EDNRB: variants seen among roughly 807,000 people sequenced by gnomAD.
EDNRB encodes endothelin receptor type B.
EDNRB carries 18 observed loss-of-function variants against 46.4 expected under a neutral mutation model. The ratio of observed to expected loss-of-function variants is 0.39; its 90% confidence interval spans 0.27 to 0.57. EDNRB has a LOEUF of 0.57. EDNRB is among the 20% of genes least tolerant of loss of function. The pLI, the probability that EDNRB is intolerant of heterozygous loss-of-function variation, is 0.61. For synonymous variants in EDNRB, 213 were observed against 204.9 expected, an observed-to-expected ratio of 1.04 and a Z score of -0.34; for missense variants, 434 against 537.5, an observed-to-expected ratio of 0.81 and a Z score of 1.90.
intron 6 of EDNRB, 54 bp from the exon 7 acceptor site, chr13:77,898,388 T>A (rs1490210417): frequency 6.2e-7 from 1 of 1,606,512 alleles, no homozygotes; most frequent in African/African-American, 1.3e-5. Flanking sequence ...CTTTCCCAAC[T>A]CTTCCTCCTC....
intron 1 of EDNRB, among the ~76,000 whole-genome samples, chr13:77,937,896 G>A (rs1305167775): frequency 6.6e-6 from 1 of 152,150 alleles, no homozygotes; most frequent in Non-Finnish European, 1.5e-5. Context: ...AGAGACTAGG[G>A]AGGGACTGTT....
chr13:77,899,942 C>T lies in EDNRB; in HGVS notation c.1111G>A (p.Gly371Ser), dbSNP rs202153354. The change falls in exon 6 of 7, where the codon GGT becomes AGT. Residue 371 changes from glycine to serine, a missense_variant. Physicochemically the swap from Gly to Ser is moderately conservative, Grantham distance 56 (BLOSUM62 0). Coordinates refer to ENST00000646607, the MANE Select transcript of EDNRB (RefSeq NM_001122659.3). ...GAATTCAGTGAAGCCATGTTGATACCAATATAGTCCAATACCAACAGAAAG... is the reference window on the plus strand; with the variant it reads ...GAATTCAGTGAAGCCATGTTGATACTAATATAGTCCAATACCAACAGAAAG... ...LSFLLVLDYI[G>S]INMASLNSCI... 6.2e-6 allele frequency: 10 copies of T among 1,611,516 alleles called. No homozygotes were observed. The highest frequency in any genetic ancestry group is 4.5e-5 in the East Asian group (2 of 44,776).
At chr13:77,950,713 A>G (rs1404941358) in intron 1 of EDNRB, among the ~76,000 whole-genome samples, 1 of 152,252 alleles carries the variant, frequency 6.6e-6, no homozygotes, top group Non-Finnish European at 1.5e-5. Context: ...GTTGAAGTGC[A>G]GTATTAAAGA....
chr13:77,903,784 A>T (rs530748556), intron 1 of EDNRB, among the ~76,000 whole-genome samples, 177 bp from the exon 2 acceptor site: 1 of 152,076 alleles, frequency 6.6e-6, no homozygotes, highest in Admixed American at 6.6e-5. Flanking sequence ...GGGACAGGAA[A>T]GTGTGTTGGG....
chr13:77,909,306 A>G (rs1471220531), intron 1 of EDNRB, among the ~76,000 whole-genome samples: 1 of 152,056 alleles, frequency 6.6e-6, no homozygotes, highest in East Asian at 1.9e-4. Context: ...CTAAAAGGAT[A>G]AATAGCATGA....
intron 1 of EDNRB, among the ~76,000 whole-genome samples, chr13:77,971,225 T>C (rs1045042345): frequency 6.6e-6 from 1 of 152,214 alleles, no homozygotes; most frequent in Non-Finnish European, 1.5e-5. Flanking sequence ...AATGGTGATG[T>C]TGGGATTTTC....
At chr13:77,954,538 G>A (rs1594394826) in intron 1 of EDNRB, among the ~76,000 whole-genome samples, 1 of 151,006 alleles carries the variant, frequency 6.6e-6, no homozygotes, top group South Asian at 2.1e-4. Context: ...TTGAGACAGA[G>A]TCTCACTCTG....
At chr13:77,964,604 A>G (rs1881525626) in intron 1 of EDNRB, among the ~76,000 whole-genome samples, 1 of 152,162 alleles carries the variant, frequency 6.6e-6, no homozygotes, top group Non-Finnish European at 1.5e-5. Context: ...CAGGAAGGGG[A>G]ACATCACACA....
intron 1 of EDNRB, among the ~76,000 whole-genome samples, chr13:77,938,794 A>G (rs1880644586): frequency 6.6e-6 from 1 of 152,192 alleles, no homozygotes; most frequent in African/African-American, 2.4e-5. Context: ...AGGGATAGTG[A>G]GAGAGGTTGG....
chr13:77,957,435 A>C (rs1303828637), intron 1 of EDNRB, among the ~76,000 whole-genome samples: 3 of 152,192 alleles, frequency 2.0e-5, no homozygotes, highest in African/African-American at 7.2e-5. Context: ...CTTTTATGTT[A>C]TTGTGAAAAT....
chr13:77,920,567 A>G (rs1189918530), upstream of EDNRB, among the ~76,000 whole-genome samples: 1 of 152,230 alleles, frequency 6.6e-6, no homozygotes, highest in Non-Finnish European at 1.5e-5. Context: ...GCTCTTAGGC[A>G]ATGCTTTCTG....
intron 4 of EDNRB, 27 bp from the exon 5 acceptor site, chr13:77,900,681 T>C (rs1878920208): frequency 1.2e-6 from 2 of 1,611,628 alleles, no homozygotes; most frequent in Non-Finnish European, 1.7e-6. Flanking sequence ...GTTTGACCCT[T>C]AAAAGATGGC....
intron 1 of EDNRB, among the ~76,000 whole-genome samples, chr13:77,956,822 T>G (rs560348339): frequency 2.6e-5 from 4 of 152,294 alleles, no homozygotes; most frequent in South Asian, 4.1e-4. Flanking sequence ...GGTTGAAGCC[T>G]TTCCAAGCCA....
chr13:77,931,744 C>CAAAAAAAAAAAAAAAAAAAAAAGAAA (rs67176737), intron 1 of EDNRB, among the ~76,000 whole-genome samples: 1 of 83,450 alleles, frequency 1.2e-5, no homozygotes, highest in South Asian at 4.2e-4. Context: ...ACTGTAGTAG[C>CAAAAAAAAAAAAAAAAAAAAAAGAAA]AAAAAAAAAA....
At chr13:77,928,996 T>C (rs1280249495) in intron 1 of EDNRB, among the ~76,000 whole-genome samples, 3 of 152,222 alleles carry the variant, frequency 2.0e-5, no homozygotes, top group Admixed American at 2.0e-4. Flanking sequence ...GCATTTTCAG[T>C]TGAGAAACTC....
At chr13:77,960,645 C>T (rs1881380281) in intron 1 of EDNRB, among the ~76,000 whole-genome samples, 2 of 152,066 alleles carry the variant, frequency 1.3e-5, no homozygotes, top group African/African-American at 4.8e-5. Context: ...AGCAAAATAA[C>T]CAGTTATCAT....
intron 1 of EDNRB, among the ~76,000 whole-genome samples, chr13:77,905,466 G>A (rs1879228866): frequency 6.6e-6 from 1 of 151,786 alleles, no homozygotes; most frequent in Non-Finnish European, 1.5e-5. Context: ...CATTAATTCT[G>A]CTTGTTCATT....
intron 1 of EDNRB, among the ~76,000 whole-genome samples, chr13:77,933,289 T>C (rs970088086): frequency 1.3e-5 from 2 of 152,188 alleles, no homozygotes; most frequent in Non-Finnish European, 2.9e-5. Context: ...TTTAATCACC[T>C]GGGTGCAGGC....
At chr13:77,960,499 G>A (rs545999748) in intron 1 of EDNRB, among the ~76,000 whole-genome samples, 1 of 152,110 alleles carries the variant, frequency 6.6e-6, no homozygotes, top group Non-Finnish European at 1.5e-5. Context: ...GAGAGATTTT[G>A]TCACACCAGG....
Sources: allele counts gnomAD v4.1 joint callset (sites outside exome capture counted in the v4.1 genomes callset), GRCh38; gene constraint gnomAD v4.1.1; transcripts MANE v1.5; gene names NCBI Gene and HGNC (gene_info 2026-07-23, HGNC 2026-07-21).